Variants in TENM3 observed in about 807,000 individuals in gnomAD.
The protein encoded by TENM3 is teneurin transmembrane protein 3, also known as teneurin-3.
A neutral mutation model predicts 255.1 loss-of-function variants in TENM3; 63 were observed. The ratio of observed to expected loss-of-function variants is 0.25; its 90% CI spans 0.20 to 0.30. The LOEUF (loss-of-function observed/expected upper bound fraction) is 0.30, where lower values mean the gene tolerates loss of function less well. TENM3 is among the 10% of genes least tolerant of loss of function. The probability of loss-of-function intolerance (pLI) is 1.00; values close to 1 mark genes in which losing one functional copy is unlikely to be tolerated. For missense variants in TENM3, 2,929 were observed against 3,461.1 expected (o/e 0.85, Z 3.86); for synonymous variants, 1,306 against 1,322.3 (o/e 0.99, Z 0.27).
chr4:181,989,425 A>G, the TENM3 span, among the ~76,000 whole-genome samples: 678 of 152,122 alleles, frequency 4.5e-3, 6 homozygotes, highest in African/African-American at 0.016. Context: ...AGAATATAGT[A>G]CCCTAAAGAC....
At chr4:182,657,524 A>C (rs1353400360) in intron 6 of TENM3, among the ~76,000 whole-genome samples, 2 of 152,182 alleles carry the variant, frequency 1.3e-5, no homozygotes, top group African/African-American at 2.4e-5. Context: ...TCCTCATTCT[A>C]CTGATACCAT....
intron 13 of TENM3, among the ~76,000 whole-genome samples, chr4:182,714,669 C>G (rs1412651134): frequency 6.6e-6 from 1 of 152,218 alleles, no homozygotes; most frequent in Non-Finnish European, 1.5e-5. Flanking sequence ...AGAGAACAGT[C>G]CCCTGGATGC....
chr4:182,639,762 C>G lies in TENM3; in HGVS notation c.988+10873C>G, dbSNP rs141335850. 4.9e-3 allele frequency among the ~76,000 whole-genome samples: 748 copies of G among 152,266 alleles called. 6 individuals carry two copies. Among genetic ancestry groups the G allele is most frequent in the African/African-American group, 0.017 (716 of 41,546 alleles). On this transcript the variant is annotated intron_variant, in intron 5 of 27. Coordinates refer to ENST00000511685, the MANE Select transcript of TENM3 (RefSeq NM_001080477.4). ...GAAGGTCTCAGCAGATGTTAGCCAT[C>G]TCTGACACTTGCCTTTAACATCTCT...
At chr4:181,558,484 G>A in the TENM3 span, among the ~76,000 whole-genome samples, 2 of 152,164 alleles carry the variant, frequency 1.3e-5, no homozygotes, top group Admixed American at 6.6e-5. Flanking sequence ...ATTCAATACG[G>A]GATTATAAAC....
chr4:181,715,848 T>A, the TENM3 span, among the ~76,000 whole-genome samples: 2 of 152,242 alleles, frequency 1.3e-5, no homozygotes, highest in South Asian at 4.1e-4. Context: ...GGTGATATGA[T>A]GCTTACTATT....
chr4:181,712,402 C>G, the TENM3 span, among the ~76,000 whole-genome samples: 238 of 152,260 alleles, frequency 1.6e-3, 1 homozygote, highest in Non-Finnish European at 2.4e-3. Flanking sequence ...CACTCTCTTG[C>G]TCTCACTCCT....
chr4:181,544,424 A>AAAAAAAAC, the TENM3 span, among the ~76,000 whole-genome samples: 2 of 145,486 alleles, frequency 1.4e-5, no homozygotes, highest in African/African-American at 5.0e-5. Flanking sequence ...AAAAAAAAAA[A>AAAAAAAAC]AAAAAAAAAA....
intron 2 of TENM3, among the ~76,000 whole-genome samples, chr4:182,344,822 T>C (rs1764698614): frequency 6.6e-6 from 1 of 152,198 alleles, no homozygotes. Flanking sequence ...GACATATAAA[T>C]AGCAGTGGGT....
the TENM3 span, among the ~76,000 whole-genome samples, chr4:181,486,630 CTA>C: frequency 9.2e-5 from 14 of 152,158 alleles, no homozygotes; most frequent in Admixed American, 9.2e-4. Flanking sequence ...AGATGGGTCT[CTA>C]TAAAGAAAGT....
At chr4:181,955,387 C>T in the TENM3 span, among the ~76,000 whole-genome samples, 1 of 152,172 alleles carries the variant, frequency 6.6e-6, no homozygotes, top group Admixed American at 6.5e-5. Context: ...TCAAGCCTCC[C>T]TGAAGAAGTG....
At chr4:182,690,490 C>G (rs866619721) in intron 12 of TENM3, among the ~76,000 whole-genome samples, 7 of 152,294 alleles carry the variant, frequency 4.6e-5, no homozygotes, top group Middle Eastern at 6.8e-3. Context: ...TACCTCTGAT[C>G]ACATTCCCTC....
the TENM3 span, among the ~76,000 whole-genome samples, chr4:181,853,172 T>C: frequency 8.5e-5 from 13 of 152,336 alleles, no homozygotes; most frequent in East Asian, 2.5e-3. Context: ...AGCAATTTTA[T>C]TGATTATTTG....
At chr4:182,517,600 G>A (rs908889900) in intron 3 of TENM3, among the ~76,000 whole-genome samples, 1 of 130,716 alleles carries the variant, frequency 7.7e-6, no homozygotes, top group African/African-American at 2.9e-5. Flanking sequence ...AGCCAGGATG[G>A]TCTCGATCTC....
At chr4:181,970,645 C>T in the TENM3 span, among the ~76,000 whole-genome samples, 1 of 152,192 alleles carries the variant, frequency 6.6e-6, no homozygotes, top group African/African-American at 2.4e-5. Context: ...TTCAGGGGCC[C>T]ACTTAATCAG....
the TENM3 span, among the ~76,000 whole-genome samples, chr4:181,449,622 A>G: frequency 6.6e-6 from 1 of 152,036 alleles, no homozygotes; most frequent in South Asian, 2.1e-4. Flanking sequence ...CATCTCTACT[A>G]AAAATACAAA....
At chr4:182,023,132 CAGTT>C in the TENM3 span, among the ~76,000 whole-genome samples, 5 of 152,158 alleles carry the variant, frequency 3.3e-5, no homozygotes, top group East Asian at 7.7e-4. Flanking sequence ...TTTGAAATGG[CAGTT>C]AGAGCATGGC....
the TENM3 span, among the ~76,000 whole-genome samples, chr4:181,588,702 C>T: frequency 3.3e-5 from 5 of 152,020 alleles, no homozygotes; most frequent in Admixed American, 6.5e-5. Context: ...GTAAAAGAAA[C>T]GTAGAAGAAA....
intron 11 of TENM3, 59 bp from the exon 12 acceptor site, chr4:182,688,107 T>G: frequency 7.0e-7 from 1 of 1,424,660 alleles, no homozygotes; most frequent in Non-Finnish European, 9.4e-7. Context: ...GCTTATTAAT[T>G]CCCCTTCTCT....
chr4:181,915,314 C>T, the TENM3 span, among the ~76,000 whole-genome samples: 2 of 152,090 alleles, frequency 1.3e-5, no homozygotes, highest in East Asian at 3.9e-4. Context: ...CCAGCACATT[C>T]CCTTGGATTC....
Sources: allele counts gnomAD v4.1 joint callset (sites outside exome capture counted in the v4.1 genomes callset), GRCh38; gene constraint gnomAD v4.1.1; transcripts MANE v1.5; gene names NCBI Gene and HGNC (gene_info 2026-07-23, HGNC 2026-07-21).